The following STEAP1B variants were observed in gnomAD, a reference collection of about 807,000 sequenced individuals.
STEAP1B encodes the protein STEAP family member 1B.
A neutral mutation model predicts 27.9 loss-of-function variants in STEAP1B; 13 were observed. That is an observed-to-expected ratio of 0.47 (90% CI 0.30 to 0.74). The LOEUF is 0.74. STEAP1B is among the 30% of genes least tolerant of loss of function. STEAP1B has a pLI of 0.06. For missense variants in STEAP1B, 250 were observed against 298.7 expected (o/e 0.84, Z 1.20); for synonymous variants, 86 against 107.1 (o/e 0.80, Z 1.22).
At chr7:22,458,297 G>A (rs982773858) in intron 4 of STEAP1B, among the ~76,000 whole-genome samples, 1 of 152,190 alleles carries the variant, frequency 6.6e-6, no homozygotes, top group Non-Finnish European at 1.5e-5. Flanking sequence ...AAGTGCAATG[G>A]CAGAGAAATG....
chr7:22,426,011 A>G (rs1459066579), intron 4 of STEAP1B, among the ~76,000 whole-genome samples: 1 of 152,112 alleles, frequency 6.6e-6, no homozygotes, highest in East Asian at 1.9e-4. Flanking sequence ...CTGCCCAGAG[A>G]TACTTATTAG....
chr7:22,440,246 T>C (rs1347065584), intron 4 of STEAP1B, among the ~76,000 whole-genome samples: 3 of 152,148 alleles, frequency 2.0e-5, no homozygotes, highest in African/African-American at 4.8e-5. Flanking sequence ...TACCTTGACT[T>C]GTGGGAAGGA....
At chr7:22,453,995 T>C (rs542305715) in intron 4 of STEAP1B, among the ~76,000 whole-genome samples, 1 of 152,370 alleles carries the variant, frequency 6.6e-6, no homozygotes, top group South Asian at 2.1e-4. Context: ...ATAAAGATTC[T>C]ATGAACATTC....
intron 4 of STEAP1B, among the ~76,000 whole-genome samples, chr7:22,450,209 CACTCAAGTGCTTGTGGAGTATT>C (rs1483827407): frequency 8.8e-5 from 13 of 147,630 alleles, no homozygotes; most frequent in African/African-American, 2.9e-4. Context: ...TGTGGAGTAT[CACTCAAGTGCTTGTGGAGTATT>C]ACTCAAGAAA....
At chr7:22,447,420 G>C (rs1785425389) in intron 4 of STEAP1B, among the ~76,000 whole-genome samples, 1 of 152,168 alleles carries the variant, frequency 6.6e-6, no homozygotes, top group South Asian at 2.1e-4. Context: ...TAAAAGAGTA[G>C]ATTCAGTAAC....
intron 4 of STEAP1B, among the ~76,000 whole-genome samples, chr7:22,480,276 G>C (rs1053571508): frequency 1.3e-5 from 2 of 152,212 alleles, no homozygotes; most frequent in African/African-American, 4.8e-5. Flanking sequence ...AAGGTAAAAA[G>C]TGAGGTCTTC....
intron 4 of STEAP1B, among the ~76,000 whole-genome samples, chr7:22,489,669 T>C (rs989712391): frequency 2.6e-5 from 4 of 152,170 alleles, no homozygotes; most frequent in Non-Finnish European, 4.4e-5. Context: ...ATGCTGAAGA[T>C]TGTCAGCAAT....
At chr7:22,433,309 TCATTGTAACC>T (rs548114393) in intron 4 of STEAP1B, among the ~76,000 whole-genome samples, 2 of 140,942 alleles carry the variant, frequency 1.4e-5, no homozygotes, top group East Asian at 4.2e-4. Context: ...ACATAATGAC[TCATTGTAACC>T]CCAGGGAGAG....
At chr7:22,455,921 G>A (rs1429222581) in intron 4 of STEAP1B, among the ~76,000 whole-genome samples, 1 of 152,218 alleles carries the variant, frequency 6.6e-6, no homozygotes, top group Admixed American at 6.5e-5. Context: ...GCCGAGGAGG[G>A]CAGATCATGA....
At chr7:22,450,367 G>A (rs544371864) in intron 4 of STEAP1B, among the ~76,000 whole-genome samples, 3 of 152,220 alleles carry the variant, frequency 2.0e-5, no homozygotes, top group African/African-American at 7.2e-5. Context: ...TGAGAGATAG[G>A]GGTCTAGTTT....
At chr7:22,421,179 T>C (rs1479371488) in intron 4 of STEAP1B, among the ~76,000 whole-genome samples, 4 of 152,228 alleles carry the variant, frequency 2.6e-5, no homozygotes. Flanking sequence ...CTGTGCTAAG[T>C]GATGAAAAGG....
chr7:22,455,726 T>C (rs1156663519), intron 4 of STEAP1B, among the ~76,000 whole-genome samples: 1 of 152,226 alleles, frequency 6.6e-6, no homozygotes, highest in African/African-American at 2.4e-5. Context: ...TGTCTTCCAA[T>C]GTGCTATTTC....
chr7:22,436,016 G>GCACC (rs1343620606), intron 4 of STEAP1B, among the ~76,000 whole-genome samples: 3 of 152,168 alleles, frequency 2.0e-5, no homozygotes, highest in Non-Finnish European at 4.4e-5. Flanking sequence ...GACTTGTGTT[G>GCACC]AATTCCAGCC....
chr7:22,452,182 G>A (rs569554136), intron 4 of STEAP1B, among the ~76,000 whole-genome samples: 1 of 152,296 alleles, frequency 6.6e-6, no homozygotes, highest in Admixed American at 6.5e-5. Flanking sequence ...TTGACTGAGG[G>A]AAAGGTAAGT....
At chr7:22,457,370 T>C (rs1785604872) in intron 4 of STEAP1B, among the ~76,000 whole-genome samples, 1 of 152,204 alleles carries the variant, frequency 6.6e-6, no homozygotes, top group Admixed American at 6.5e-5. Context: ...TTCGCTATAA[T>C]TGTTACAATT....
chr7:22,484,278 G>T (rs768826154), intron 4 of STEAP1B, among the ~76,000 whole-genome samples: 1 of 152,228 alleles, frequency 6.6e-6, no homozygotes, highest in Non-Finnish European at 1.5e-5. Context: ...GCTGATTCTT[G>T]TTAGGGGTTA....
At chr7:22,452,312 C>T (rs1044089679) in intron 4 of STEAP1B, among the ~76,000 whole-genome samples, 2 of 152,126 alleles carry the variant, frequency 1.3e-5, no homozygotes, top group African/African-American at 4.8e-5. Context: ...TCCTGAGACC[C>T]TCCACACTCC....
intron 4 of STEAP1B, among the ~76,000 whole-genome samples, chr7:22,421,572 C>A (rs977875894): frequency 2.6e-5 from 4 of 152,240 alleles, no homozygotes; most frequent in Non-Finnish European, 5.9e-5. Context: ...CACAGCTAAG[C>A]AGTTCCATGG....
At chr7:22,436,205 T>A (rs939331929) in intron 4 of STEAP1B, among the ~76,000 whole-genome samples, 7 of 152,160 alleles carry the variant, frequency 4.6e-5, no homozygotes, top group South Asian at 2.1e-4. Flanking sequence ...TCATACTTTT[T>A]TAAAAAAATC....
Sources: gnomAD v4.1 joint callset for allele counts (sites outside exome capture counted in the v4.1 genomes callset) on GRCh38, gnomAD v4.1.1 for gene constraint, MANE v1.5 for transcripts, NCBI Gene and HGNC (gene_info 2026-07-23, HGNC 2026-07-21) for gene names.